The following PCDHGB1 variants were observed in gnomAD, a reference collection of about 807,000 sequenced individuals.
PCDHGB1 encodes protocadherin gamma-B1.
Under a neutral mutation model 56.6 loss-of-function variants are expected in PCDHGB1, and 34 were observed. The ratio of observed to expected loss-of-function variants is 0.60; its 90% CI spans 0.46 to 0.80. The LOEUF (loss-of-function observed/expected upper bound fraction) is 0.80, where lower values mean the gene tolerates loss of function less well. Among genes scored for constraint, PCDHGB1 ranks in the 30% least tolerant of loss-of-function variants. The pLI, the probability that PCDHGB1 is intolerant of heterozygous loss-of-function variation, is 0.00. For missense variants in PCDHGB1, 1,278 were observed against 1,204.6 expected (o/e 1.06, Z -0.90); for synonymous variants, 561 against 505.9 (o/e 1.11, Z -1.46).
intron 1 of PCDHGB1, among the ~76,000 whole-genome samples, chr5:141,464,286 A>AT (rs1453289283): frequency 6.6e-6 from 1 of 151,420 alleles, no homozygotes; most frequent in African/African-American, 2.4e-5. Flanking sequence ...AAGCAAAAAA[A>AT]AAAACTCCAT....
At chr5:141,375,879 G>C in intron 1 of PCDHGB1, 1 of 1,613,144 alleles carries the variant, frequency 6.2e-7, no homozygotes, top group Non-Finnish European at 8.5e-7. Flanking sequence ...AGAGACTCGG[G>C]CCAGAACGCC....
intron 1 of PCDHGB1, among the ~76,000 whole-genome samples, chr5:141,459,095 G>A (rs61275874): frequency 0.28 from 42,440 of 152,066 alleles, 6,652 homozygotes; most frequent in African/African-American, 0.43. Context: ...ATTATACAGT[G>A]CAATGCATTT....
chr5:141,496,146 G>T (rs749790409), intron 2 of PCDHGB1, among the ~76,000 whole-genome samples: 1 of 151,170 alleles, frequency 6.6e-6, no homozygotes, highest in South Asian at 2.1e-4. Flanking sequence ...GCCTTTGATC[G>T]CAGCTCTCCA....
chr5:141,445,302 A>C (rs2098462947), intron 1 of PCDHGB1, among the ~76,000 whole-genome samples: 1 of 152,220 alleles, frequency 6.6e-6, no homozygotes, highest in African/African-American at 2.4e-5. Flanking sequence ...CATTCTCTTC[A>C]GTTTGTAGGT....
chr5:141,486,379 G>A lies in PCDHGB1; in HGVS notation c.2410-8428G>A. 2 of 1,614,094 alleles carry A rather than the reference G, an allele frequency of 1.2e-6. No individual in the cohort carries two copies. Among genetic ancestry groups the A allele is most frequent in the Non-Finnish European group, 1.7e-6 (2 of 1,180,000 alleles). ...CATTTGCCCTCAAGTCTGCCTTCAG[G>A]AACCAGTTCTCCCTGGTGACTGCTG... On this transcript the variant is annotated intron_variant, in intron 1 of 3. Transcript: ENST00000523390. The surrounding 1 kb of genome is among the most constrained non-coding windows in gnomAD (Gnocchi z 5.0).
chr5:141,419,207 CCGGTTTTCGGACAGT>C, intron 1 of PCDHGB1: 5 of 1,613,998 alleles, frequency 3.1e-6, no homozygotes, highest in Non-Finnish European at 4.2e-6. Flanking sequence ...TGACAACGCG[CCGGTTTTCGGACAGT>C]CAGCCTACCT....
At chr5:141,399,189 A>G (rs1015744299) in intron 1 of PCDHGB1, 11 of 1,613,970 alleles carry the variant, frequency 6.8e-6, no homozygotes, top group African/African-American at 1.3e-5. Context: ...TGATTCTGGA[A>G]AACGCGGTGC....
At chr5:141,416,832 A>T (rs2154546669) in intron 1 of PCDHGB1, 1 of 152,168 alleles carries the variant, frequency 6.6e-6, no homozygotes, top group East Asian at 1.9e-4. Context: ...GTTTCTCAAG[A>T]CCCTTATAAT....
intron 1 of PCDHGB1, chr5:141,384,388 CA>C (rs1780036142): frequency 2.5e-6 from 4 of 1,613,934 alleles, no homozygotes; most frequent in Non-Finnish European, 3.4e-6. Flanking sequence ...AGACACCATC[CA>C]GGGGGCTCCA....
intron 1 of PCDHGB1, among the ~76,000 whole-genome samples, chr5:141,451,727 C>A (rs2098722766): frequency 6.6e-6 from 1 of 152,014 alleles, no homozygotes; most frequent in Admixed American, 6.6e-5. Flanking sequence ...ACTAAAAATA[C>A]AAAAATTAGC....
rs199519740 is a variant in PCDHGB1 at position 141,394,287 on chromosome 5, A to C, written c.2409+41618A>C. On this transcript the variant is annotated intron_variant, in intron 1 of 3. Transcript: ENST00000523390. ...GAATGCCCAGGTCACTTACTCTGTG[A>C]CCGAGGACACGCTGCAGGGGGCGCC... 122 of 1,613,772 alleles carry C rather than the reference A, an allele frequency of 7.6e-5. No individual in the cohort carries two copies. Among genetic ancestry groups the C allele is most frequent in the Non-Finnish European group, 9.6e-5 (113 of 1,179,878 alleles).
chr5:141,476,071 T>A lies in PCDHGB1; in HGVS notation c.2410-18736T>A. On this transcript the variant is annotated intron_variant, in intron 1 of 3. Transcript: ENST00000523390. The surrounding 1 kb of genome is among the most constrained non-coding windows in gnomAD (Gnocchi z 7.6). ...CCGCTGAAAGTTTCTCAGCGAAATC[T>A]CAGGGACGATCTGGACCCCGCTGAG... 6.6e-7 allele frequency: 1 copy of A among 1,522,792 alleles called. No individual in the cohort carries two copies. The highest frequency in any genetic ancestry group is 8.8e-7 in the Non-Finnish European group (1 of 1,142,680). 94.3% of individuals were successfully genotyped at this position (1,522,792 alleles called of 1,614,324 possible).
intron 1 of PCDHGB1, chr5:141,356,070 G>A (rs1284075623): frequency 1.9e-6 from 3 of 1,613,902 alleles, no homozygotes; most frequent in East Asian, 2.2e-5. Flanking sequence ...AAATATCACA[G>A]CTATTTCAGT....
In PCDHGB1 at chr5:141,432,460, C is replaced by T; in HGVS notation, c.2410-62347C>T. The T allele has an allele frequency of 6.2e-7, 1 of 1,614,208 alleles. No homozygotes were observed. The highest frequency in any genetic ancestry group is 8.5e-7 in the Non-Finnish European group (1 of 1,180,044). On this transcript the variant is annotated intron_variant, in intron 1 of 3. Transcript: ENST00000523390. This position sits in a 1 kb window ranked among gnomAD's most constrained non-coding sequence, Gnocchi z 6.0. ...CGCCCGAGATCCTGTACCCCGCCCTCCCCACGGACGGTTCCACTGGCGTGG... is the reference window on the plus strand; with the variant it reads ...CGCCCGAGATCCTGTACCCCGCCCTTCCCACGGACGGTTCCACTGGCGTGG...
rs2099612668 is a variant in PCDHGB1, at chr5:141,485,382, TGA to T, written c.2410-9424_2410-9423del. The T allele has an allele frequency of 6.2e-7, 1 of 1,613,538 alleles. No homozygotes were observed. The highest frequency in any genetic ancestry group is 8.5e-7 in the Non-Finnish European group (1 of 1,179,906). On this transcript the variant is annotated intron_variant, in intron 1 of 3. Coordinates refer to ENST00000523390, the MANE Select transcript of PCDHGB1 (RefSeq NM_018922.3). The surrounding 1 kb of genome is among the most constrained non-coding windows in gnomAD (Gnocchi z 5.7). ...CGCAGGCTGCAGGTCGCTGGAGAGG[TGA>T]ACCAAAGACACTTCCGTGTGGATTT...
At chr5:141,379,960 T>C (rs1490584684) in intron 1 of PCDHGB1, among the ~76,000 whole-genome samples, 1 of 140,094 alleles carries the variant, frequency 7.1e-6, no homozygotes, top group East Asian at 2.3e-4. Flanking sequence ...AATGCAGTGG[T>C]GTGATCTCTG....
In PCDHGB1 at chr5:141,423,972, T is replaced by C. The variant is rs1459859824; in HGVS notation, c.2410-70835T>C. ...TTTAGTATTATTTTTCTATTATCAG[T>C]GTATGAGGCTCTCAATTTATTATAT... On this transcript the variant is annotated intron_variant, in intron 1 of 3. Transcript: ENST00000523390. 4 of 1,128,544 alleles carry C rather than the reference T, an allele frequency of 3.5e-6. No homozygotes were observed. The East Asian group carries it at 1.9e-4, about 53-fold the overall frequency. The allele number at this position is 1,128,544 out of a possible 1,614,324, so 69.9% of individuals were successfully genotyped here.
intron 1 of PCDHGB1, chr5:141,422,736 C>T (rs1408210168): frequency 9.9e-6 from 16 of 1,608,328 alleles, no homozygotes; most frequent in Non-Finnish European, 1.2e-5. Context: ...TGCCTCTGTC[C>T]TCCTATGTCT....
intron 1 of PCDHGB1, among the ~76,000 whole-genome samples, chr5:141,463,205 A>T (rs2099054933): frequency 6.6e-6 from 1 of 152,080 alleles, no homozygotes; most frequent in Non-Finnish European, 1.5e-5. Context: ...AGACTTGGGG[A>T]TCCATATTAA....
Sources: allele counts gnomAD v4.1 joint callset (sites outside exome capture counted in the v4.1 genomes callset), GRCh38; gene constraint gnomAD v4.1.1; non-coding constraint Gnocchi (gnomAD v3.1); transcripts MANE v1.5; gene names NCBI Gene and HGNC (gene_info 2026-07-23, HGNC 2026-07-21).